TRHDE: variants seen among roughly 807,000 people sequenced by gnomAD.
TRHDE encodes the protein thyrotropin-releasing hormone-degrading ectoenzyme.
Under a neutral mutation model 125.7 loss-of-function variants are expected in TRHDE, and 72 were observed. The ratio of observed to expected loss-of-function variants is 0.57; its 90% CI spans 0.47 to 0.70. The LOEUF (loss-of-function observed/expected upper bound fraction) is 0.70. Ranked by LOEUF, TRHDE falls within the 30% of genes least tolerant of loss-of-function variation. The pLI is 0.00. For synonymous variants in TRHDE, 509 were observed against 509.1 expected (o/e 1.00, Z 0.00); for missense variants, 1,110 against 1,327.1 (o/e 0.84, Z 2.54).
chr12:72,248,343 G>A (rs1251200819), intron 2 of TRHDE, among the ~76,000 whole-genome samples: 1 of 151,228 alleles, frequency 6.6e-6, no homozygotes, highest in African/African-American at 2.4e-5. Flanking sequence ...GCTTCAACTC[G>A]GGAGGCGGAG....
intron 2 of TRHDE, among the ~76,000 whole-genome samples, chr12:72,336,968 G>A (rs1388830082): frequency 6.6e-6 from 1 of 152,168 alleles, no homozygotes; most frequent in African/African-American, 2.4e-5. Context: ...TCATCTGTGA[G>A]CATGTTAGAA....
chr12:72,460,803 T>C (rs1876093720), intron 3 of TRHDE, among the ~76,000 whole-genome samples: 2 of 152,082 alleles, frequency 1.3e-5, no homozygotes, highest in South Asian at 4.1e-4. Flanking sequence ...CAACAAAAAA[T>C]GCACAATATG....
intron 1 of TRHDE, among the ~76,000 whole-genome samples, chr12:72,277,814 T>C (rs981815961): frequency 1.3e-5 from 2 of 152,108 alleles, no homozygotes; most frequent in African/African-American, 2.4e-5. Flanking sequence ...AAATATACAG[T>C]TTTTTCAAAT....
intron 2 of TRHDE, among the ~76,000 whole-genome samples, chr12:72,182,158 A>G (rs1307272336): frequency 1.3e-5 from 2 of 152,138 alleles, no homozygotes; most frequent in Non-Finnish European, 2.9e-5. Context: ...CAGTGTGTCT[A>G]CCCAACTTAC....
chr12:72,541,379 A>T (rs1013316653), intron 6 of TRHDE, among the ~76,000 whole-genome samples: 1 of 151,536 alleles, frequency 6.6e-6, no homozygotes, highest in Non-Finnish European at 1.5e-5. Context: ...TTTCATATTG[A>T]TTACGTACCT....
chr12:72,395,748 T>A (rs551928155), intron 3 of TRHDE, among the ~76,000 whole-genome samples: 4 of 152,324 alleles, frequency 2.6e-5, no homozygotes, highest in Admixed American at 6.5e-5. Flanking sequence ...TCATGGTATT[T>A]ACTTTAAATT....
chr12:72,113,296 G>C (rs539549644), intron 2 of TRHDE, among the ~76,000 whole-genome samples: 1 of 152,092 alleles, frequency 6.6e-6, no homozygotes, highest in South Asian at 2.1e-4. Context: ...TTGGATTACA[G>C]GTGTGAGCCA....
chr12:72,507,344 G>A (rs1243467021), intron 6 of TRHDE, among the ~76,000 whole-genome samples: 10 of 152,198 alleles, frequency 6.6e-5, no homozygotes, highest in South Asian at 2.1e-4. Flanking sequence ...ACAGGAAGAC[G>A]TGGGAAAGTT....
In TRHDE at chr12:72,148,709, G is replaced by T. The variant is rs751272415; in HGVS notation, n.279+42957G>T. On this transcript the variant is annotated intron_variant and non_coding_transcript_variant, in intron 2 of 4. Transcript: ENST00000548156. ...GCATATCATGGTGCCCTTAGGAATC[G>T]CAGTGATCTCTCAGTTCTTGGTCTT... Among the ~76,000 whole-genome samples, 3 of 152,186 alleles carry T rather than the reference G, an allele frequency of 2.0e-5. 1 individual carries two copies. The highest frequency in any genetic ancestry group is 2.0e-4 in the Admixed American group (3 of 15,280).
chr12:72,164,305 C>T lies in TRHDE; in HGVS notation n.279+58553C>T, dbSNP rs558677187. Among the ~76,000 whole-genome samples the T allele has an allele frequency of 2.6e-5, 4 of 152,252 alleles. No homozygotes were observed. In the South Asian group the frequency reaches 8.3e-4, roughly 32 times the overall value. ...TGAAGGCCAACTCTGGCGACAACCA[C>T]ATCAGAAAGCCTGAGCAGAGTTACC... On this transcript the variant is annotated intron_variant and non_coding_transcript_variant, in intron 2 of 4. Coordinates refer to the TRHDE transcript ENST00000548156.
At chr12:72,358,445 G>C (rs549467903) in intron 2 of TRHDE, among the ~76,000 whole-genome samples, 85 of 151,622 alleles carry the variant, frequency 5.6e-4, no homozygotes, top group African/African-American at 2.0e-3. Context: ...TTTATTGTAA[G>C]AATACAGTAT....
intron 3 of TRHDE, among the ~76,000 whole-genome samples, chr12:72,405,269 G>T (rs113212209): frequency 0.028 from 4,208 of 152,238 alleles, 77 homozygotes; most frequent in Non-Finnish European, 0.039. Context: ...TCATAGAGGA[G>T]ATAATGTTTA....
At chr12:72,534,110 C>G (rs556698524) in intron 6 of TRHDE, among the ~76,000 whole-genome samples, 1 of 152,230 alleles carries the variant, frequency 6.6e-6, no homozygotes, top group South Asian at 2.1e-4. Flanking sequence ...TAGCCAGGAT[C>G]ATGTTTCATT....
At chr12:72,456,693 C>CA (rs558471436) in intron 3 of TRHDE, among the ~76,000 whole-genome samples, 24 of 147,872 alleles carry the variant, frequency 1.6e-4, no homozygotes, top group East Asian at 5.9e-4. Context: ...ATGATTAGTA[C>CA]AAAAAAAAAA....
chr12:72,127,231 A>C (rs1461454363), intron 2 of TRHDE, among the ~76,000 whole-genome samples: 1 of 152,254 alleles, frequency 6.6e-6, no homozygotes, highest in East Asian at 1.9e-4. Context: ...GAATGCTTAT[A>C]CACTGTTGGT....
chr12:72,180,811 C>T (rs557668175), intron 2 of TRHDE, among the ~76,000 whole-genome samples: 1 of 152,160 alleles, frequency 6.6e-6, no homozygotes, highest in Non-Finnish European at 1.5e-5. Context: ...AACATAAGGG[C>T]CCATGTACCT....
intron 18 of TRHDE, among the ~76,000 whole-genome samples, chr12:72,658,102 G>GTAA (rs774950648): frequency 3.3e-5 from 5 of 152,132 alleles, no homozygotes; most frequent in Non-Finnish European, 5.9e-5. Flanking sequence ...GTCTCTGATT[G>GTAA]TAATGATTTG....
intron 1 of TRHDE, among the ~76,000 whole-genome samples, chr12:72,102,465 C>T (rs1245643493): frequency 6.6e-6 from 1 of 152,160 alleles, no homozygotes; most frequent in Admixed American, 6.5e-5. Context: ...AACCCATAGG[C>T]CTGAGTCTGC....
chr12:72,357,892 G>T (rs898254862), intron 2 of TRHDE, among the ~76,000 whole-genome samples: 4 of 151,166 alleles, frequency 2.6e-5, no homozygotes, highest in African/African-American at 9.7e-5. Context: ...GTATCAAAGA[G>T]ACCATGCTTT....
Sources: allele counts gnomAD v4.1 joint callset (sites outside exome capture counted in the v4.1 genomes callset), GRCh38; gene constraint gnomAD v4.1.1; transcripts MANE v1.5; gene names NCBI Gene and HGNC (gene_info 2026-07-23, HGNC 2026-07-21).